RIMBP2: variants seen among roughly 807,000 people sequenced by gnomAD.
The protein encoded by RIMBP2 is RIMS binding protein 2.
In RIMBP2, 48 loss-of-function variants were observed where a neutral mutation model predicts 118.6. The ratio of observed to expected loss-of-function variants is 0.40; its 90% CI spans 0.32 to 0.51. The LOEUF is 0.51. RIMBP2 is among the 20% of genes least tolerant of loss of function. RIMBP2 has a pLI of 0.41. For synonymous variants in RIMBP2, 762 were observed against 742.9 expected, an observed-to-expected ratio of 1.03 and a Z score of -0.42; for missense variants, 1,551 against 1,768.3, an observed-to-expected ratio of 0.88 and a Z score of 2.20.
At chr12:130,545,303 C>T (rs1467135034) in intron 2 of RIMBP2, among the ~76,000 whole-genome samples, 1 of 152,126 alleles carries the variant, frequency 6.6e-6, no homozygotes, top group Non-Finnish European at 1.5e-5. Flanking sequence ...CTGCAGCTAC[C>T]GAACACATGA....
At chr12:130,449,237 C>T (rs756333762) in intron 9 of RIMBP2, among the ~76,000 whole-genome samples, 2 of 152,362 alleles carry the variant, frequency 1.3e-5, no homozygotes, top group Non-Finnish European at 1.5e-5. Flanking sequence ...GGCCTGCTGC[C>T]CCTGGCTGAT....
In RIMBP2 at chr12:130,428,332, G is replaced by C. The variant is rs1193123618; in HGVS notation, c.2259C>G (p.His753Gln). Reference protein sequence around the residue: ...LKGSELGKQPHCCHGDEYHTE... With the variant: ...LKGSELGKQPQCCHGDEYHTE... ...TGTGGTACTCGTCTCCATGGCAACA[G>C]TGCGGCTGGGGGCCAAGAAAAGGGG... is the stretch of plus-strand genomic sequence containing the variant. The change falls in exon 15 of 23, where the codon CAC (histidine) becomes CAG (glutamine). Residue 753 changes from histidine (H) to glutamine (Q), a missense_variant. Around this residue, in one of 5 missense-constraint regions of RIMBP2, gnomAD observed 1,038 missense variants for 1,125.1 expected, o/e 0.92. Coordinates refer to ENST00000690449, the MANE Select transcript of RIMBP2 (RefSeq NM_001393629.1). 1 of 1,605,802 alleles carries C rather than the reference G, an allele frequency of 6.2e-7. No homozygotes were observed. The highest frequency in any genetic ancestry group is 2.3e-5 in the East Asian group (1 of 44,330).
intron 22 of RIMBP2, 92 bp downstream of exon 22, chr12:130,399,587 C>T (rs2091230957): frequency 2.7e-6 from 4 of 1,455,056 alleles, no homozygotes; most frequent in Admixed American, 2.0e-5. Flanking sequence ...CGCTTTTCGG[C>T]CCAAGATATA....
At chr12:130,484,833 A>T (rs974509695) in intron 4 of RIMBP2, among the ~76,000 whole-genome samples, 24 of 152,326 alleles carry the variant, frequency 1.6e-4, no homozygotes, top group African/African-American at 5.5e-4. Context: ...CCCAGCTCTG[A>T]TACTGGCCCG....
At chr12:130,481,757 G>A (rs1006223420) in intron 4 of RIMBP2, among the ~76,000 whole-genome samples, 2 of 152,328 alleles carry the variant, frequency 1.3e-5, no homozygotes, top group South Asian at 4.1e-4. Flanking sequence ...CCAGCTCTGA[G>A]CCTGGGCAGG....
At chr12:130,625,521 C>T (rs954499295) in intron 2 of RIMBP2, among the ~76,000 whole-genome samples, 2 of 125,624 alleles carry the variant, frequency 1.6e-5, no homozygotes. Flanking sequence ...CTCAGACTCA[C>T]GAACTAGGCC....
intron 1 of RIMBP2, among the ~76,000 whole-genome samples, chr12:130,645,233 A>G (rs1180182810): frequency 6.6e-6 from 1 of 152,104 alleles, no homozygotes; most frequent in Admixed American, 6.5e-5. Context: ...AGCTGGGACT[A>G]CGGTGTGTCC....
At position 130,621,148 on chromosome 12, in the gene RIMBP2, G is replaced by A. The variant is rs1208799933; in HGVS notation, c.-217+7174C>T. Reference sequence around the variant, plus strand: ...CATTCCTACGTGGAAAGTGACCTTAGGTGAGTTGGAAACCCTTGAGTTCAG... The same window carrying A: ...CATTCCTACGTGGAAAGTGACCTTAAGTGAGTTGGAAACCCTTGAGTTCAG... On this transcript the variant is annotated intron_variant, in intron 2 of 22. Transcript: ENST00000690449. The surrounding 1 kb of genome is among the most constrained non-coding windows in gnomAD (Gnocchi z 6.6). Among the ~76,000 whole-genome samples, 1 of 152,120 alleles carries A rather than the reference G, an allele frequency of 6.6e-6. No individual in the cohort carries two copies. The highest frequency in any genetic ancestry group is 1.5e-5 in the Non-Finnish European group (1 of 68,026).
chr12:130,552,795 C>T (rs1022417074), intron 2 of RIMBP2, among the ~76,000 whole-genome samples: 2 of 152,102 alleles, frequency 1.3e-5, no homozygotes, highest in African/African-American at 4.8e-5. Context: ...TGTGCACTGT[C>T]CAAGGTGCTG....
intron 1 of RIMBP2, among the ~76,000 whole-genome samples, chr12:130,643,318 T>A (rs984706050): frequency 6.6e-6 from 1 of 152,186 alleles, no homozygotes; most frequent in African/African-American, 2.4e-5. Flanking sequence ...GTGGAGCATA[T>A]GTCTCCTGTG....
intron 1 of RIMBP2, among the ~76,000 whole-genome samples, chr12:130,681,640 A>C (rs2064791012): frequency 6.6e-6 from 1 of 152,228 alleles, no homozygotes; most frequent in South Asian, 2.1e-4. Context: ...CTTGGTAATT[A>C]AGATGCGATA....
At position 130,596,362 on chromosome 12, in the gene RIMBP2, G is replaced by A. The variant is rs924417017; in HGVS notation, c.-217+31960C>T. Among the ~76,000 whole-genome samples the A allele has an allele frequency of 2.6e-5, 4 of 152,024 alleles. No individual in the cohort carries two copies. In the East Asian group the frequency reaches 5.8e-4, roughly 22 times the overall value. ...TACGATGCTGACAAAACCCAGAAAGGGGCACTATGACCCACCCCCACCTTC... is the reference window on the plus strand; with the variant it reads ...TACGATGCTGACAAAACCCAGAAAGAGGCACTATGACCCACCCCCACCTTC... On this transcript the variant is annotated intron_variant, in intron 2 of 22. Coordinates refer to ENST00000690449, the MANE Select transcript of RIMBP2 (RefSeq NM_001393629.1).
chr12:130,487,228 G>A (rs935136576), intron 4 of RIMBP2, among the ~76,000 whole-genome samples: 7 of 152,180 alleles, frequency 4.6e-5, no homozygotes, highest in South Asian at 2.1e-4. Flanking sequence ...AGCCCTTCAC[G>A]GCGTGATGGG....
intron 22 of RIMBP2, chr12:130,399,277 A>G (rs867636211): frequency 3.8e-6 from 2 of 523,598 alleles, no homozygotes; most frequent in Non-Finnish European, 5.7e-6. Context: ...ATGTAGTCTA[A>G]TAGTTCAATA....
At position 130,450,174 on chromosome 12, in the gene RIMBP2, G is replaced by A. The variant is rs779671501; in HGVS notation, c.581+26C>T. On this transcript the variant is annotated intron_variant, in intron 9 of 22. Coordinates refer to ENST00000690449, the MANE Select transcript of RIMBP2 (RefSeq NM_001393629.1). This position sits in a 1 kb window ranked among gnomAD's most constrained non-coding sequence, Gnocchi z 4.8. ...TCATCTGCCCCACTCACAGGGGCTC[G>A]GTGGACGCCGAGGGGCCGCACTTAC... 5.9e-6 allele frequency: 9 copies of A among 1,536,894 alleles called. No individual in the cohort carries two copies. The highest frequency in any genetic ancestry group is 2.7e-5 in the African/African-American group (2 of 73,012).
Position 130,442,942 on chromosome 12 carries a change from C to G in RIMBP2, c.692-282G>C, listed in dbSNP as rs191648659. ...ATCCGTGTACGTACACTGACTACCCCCTCCCAACACGAACAACACTCAGGG... is the reference window on the plus strand; with the variant it reads ...ATCCGTGTACGTACACTGACTACCCGCTCCCAACACGAACAACACTCAGGG... On this transcript the variant is annotated intron_variant, in intron 10 of 22. Transcript: ENST00000690449. The surrounding 1 kb of genome is among the most constrained non-coding windows in gnomAD (Gnocchi z 6.9). 1.2e-3 allele frequency among the ~76,000 whole-genome samples: 186 copies of G among 152,214 alleles called. 1 individual carries two copies. Among genetic ancestry groups the G allele is most frequent in the African/African-American group, 4.3e-3 (180 of 41,510 alleles).
At position 130,494,217 on chromosome 12, in the gene RIMBP2, C is replaced by T. The variant is rs149670654; in HGVS notation, c.-4+12431G>A. The stretch of plus-strand genomic sequence containing the variant: ...GAAGGACAGACCCCGCCCTGGCCCT[C>T]CTGGAGCCCACTCCACACCCCAGCA... On this transcript the variant is annotated intron_variant, in intron 4 of 22. Coordinates refer to ENST00000690449, the MANE Select transcript of RIMBP2 (RefSeq NM_001393629.1). Among the ~76,000 whole-genome samples, 696 of 152,248 alleles carry T rather than the reference C, an allele frequency of 4.6e-3. 8 individuals carry two copies. Among genetic ancestry groups the T allele is most frequent in the African/African-American group, 0.016 (656 of 41,540 alleles).
chr12:130,577,270 C>T (rs149512962), intron 2 of RIMBP2, among the ~76,000 whole-genome samples: 188 of 152,298 alleles, frequency 1.2e-3, no homozygotes, highest in African/African-American at 3.8e-3. Context: ...CCATATGTGG[C>T]TCACTGGGTG....
At chr12:130,690,420 C>A (rs1009352664) in intron 1 of RIMBP2, among the ~76,000 whole-genome samples, 2 of 152,176 alleles carry the variant, frequency 1.3e-5, no homozygotes, top group East Asian at 1.9e-4. Flanking sequence ...GCTTGAACAG[C>A]GGTTTTGCCA....
Sources: allele counts gnomAD v4.1 joint callset (sites outside exome capture counted in the v4.1 genomes callset), GRCh38; gene constraint gnomAD v4.1.1; regional missense constraint gnomAD v4.1.1; non-coding constraint Gnocchi (gnomAD v3.1); transcripts MANE v1.5; gene names NCBI Gene and HGNC (gene_info 2026-07-23, HGNC 2026-07-21).